The following PALLD variants were observed in gnomAD, a reference collection of about 807,000 sequenced individuals.
PALLD encodes palladin, cytoskeletal associated protein.
A neutral mutation model predicts 123.5 loss-of-function variants in PALLD; 61 were observed. That is an observed-to-expected ratio of 0.49 (90% CI 0.40 to 0.61). The LOEUF is 0.61. Among genes scored for constraint, PALLD ranks in the 20% least tolerant of loss-of-function variants. PALLD has a pLI of 0.00. For synonymous variants in PALLD, 465 were observed against 496.4 expected (o/e 0.94, Z 0.84); for missense variants, 1,273 against 1,377.0 (o/e 0.92, Z 1.20).
At chr4:168,887,741 A>G (rs1421906980) in intron 10 of PALLD, among the ~76,000 whole-genome samples, 2 of 152,186 alleles carry the variant, frequency 1.3e-5, no homozygotes, top group South Asian at 2.1e-4. Context: ...CCAAAATTGT[A>G]TAATTTTTAC....
chr4:168,802,689 A>G (rs1046822030), intron 10 of PALLD, among the ~76,000 whole-genome samples: 4 of 151,322 alleles, frequency 2.6e-5, no homozygotes, highest in East Asian at 1.9e-4. Flanking sequence ...GACCATCTAC[A>G]TTACATTTTT....
intron 10 of PALLD, chr4:168,877,716 C>G: frequency 8.8e-7 from 1 of 1,130,320 alleles, no homozygotes; most frequent in Non-Finnish European, 1.1e-6. Context: ...TCTCTTTTTC[C>G]CCCCAGGGAC....
chr4:168,716,546 C>T (rs1785386242), intron 10 of PALLD, among the ~76,000 whole-genome samples: 1 of 152,150 alleles, frequency 6.6e-6, no homozygotes, highest in African/African-American at 2.4e-5. Flanking sequence ...AAAATTACTG[C>T]ATTTTACAAC....
chr4:168,835,575 T>C (rs112531541), intron 10 of PALLD, among the ~76,000 whole-genome samples: 4 of 151,984 alleles, frequency 2.6e-5, no homozygotes, highest in Admixed American at 6.6e-5. Context: ...CTAGATCTCT[T>C]TGAGATTGCA....
intron 10 of PALLD, among the ~76,000 whole-genome samples, chr4:168,858,797 T>TA (rs35301228): frequency 0.57 from 84,851 of 148,896 alleles, 27,472 homozygotes; most frequent in East Asian, 0.88. Flanking sequence ...AAATAAAAAT[T>TA]AAAAAAAAAA....
rs570209780 is a variant in PALLD at position 168,817,277 on chromosome 4, C to T, written c.1965-73645C>T. Among the ~76,000 whole-genome samples, 8 of 152,268 alleles carry T rather than the reference C, an allele frequency of 5.3e-5. No homozygotes were observed. In the East Asian group the frequency reaches 9.7e-4, roughly 18 times the overall value. On this transcript the variant is annotated intron_variant, in intron 10 of 21. Coordinates refer to ENST00000505667, the MANE Select transcript of PALLD (RefSeq NM_001166108.2). The stretch of plus-strand genomic sequence containing the variant: ...AGAAAAACGCAAGTTGTGCATTAGA[C>T]GCACCATCACATTCCCTTTATGTGT...
At chr4:168,543,136 C>T (rs1261834712) in intron 2 of PALLD, among the ~76,000 whole-genome samples, 1 of 152,080 alleles carries the variant, frequency 6.6e-6, no homozygotes, top group Non-Finnish European at 1.5e-5. Flanking sequence ...GCTAGGACCA[C>T]TTCCTAGCTC....
In PALLD at chr4:168,869,809, G is replaced by A. The variant is rs1314095245; in HGVS notation, c.1965-21113G>A. On this transcript the variant is annotated intron_variant, in intron 10 of 21. Transcript: ENST00000505667. This position sits in a 1 kb window ranked among gnomAD's most constrained non-coding sequence, Gnocchi z 4.5. ...GAATTCAGGACTGAGGGCTGGGTTA[G>A]AGAGATCAGGGAGTGAGAGTGATGC... Among the ~76,000 whole-genome samples, 1 of 150,942 alleles carries A rather than the reference G, an allele frequency of 6.6e-6. No individual in the cohort carries two copies. The highest frequency in any genetic ancestry group is 1.5e-5 in the Non-Finnish European group (1 of 68,002).
At chr4:168,807,680 A>G (rs1740432747) in intron 10 of PALLD, among the ~76,000 whole-genome samples, 1 of 151,944 alleles carries the variant, frequency 6.6e-6, no homozygotes, top group Admixed American at 6.6e-5. Context: ...AAGTGCTGTG[A>G]TTACAGGCGT....
chr4:168,631,664 C>T (rs1410232783), intron 2 of PALLD: 1 of 985,368 alleles, frequency 1.0e-6, no homozygotes, highest in Non-Finnish European at 1.2e-6. Flanking sequence ...TGAGTCGTGG[C>T]CGCTGCGCCG....
intron 6 of PALLD, among the ~76,000 whole-genome samples, chr4:168,687,351 A>C (rs1262414734): frequency 6.6e-6 from 1 of 152,248 alleles, no homozygotes; most frequent in Non-Finnish European, 1.5e-5. Context: ...AAACCATGTC[A>C]ATCTGATAAC....
intron 10 of PALLD, among the ~76,000 whole-genome samples, chr4:168,746,780 T>A (rs1730391104): frequency 6.6e-6 from 1 of 152,150 alleles, no homozygotes; most frequent in Non-Finnish European, 1.5e-5. Flanking sequence ...TGGAAATATT[T>A]AAAGTTGTAA....
chr4:168,540,081 A>G (rs1024230860), intron 2 of PALLD, among the ~76,000 whole-genome samples: 2 of 152,158 alleles, frequency 1.3e-5, no homozygotes, highest in African/African-American at 4.8e-5. Flanking sequence ...AGGCACCTGA[A>G]GCTGAAAAAG....
At chr4:168,877,672 C>T (rs1480733864) in intron 10 of PALLD, 10 of 957,240 alleles carry the variant, frequency 1.0e-5, no homozygotes, top group Non-Finnish European at 1.2e-5. Flanking sequence ...CTGGAATACA[C>T]GTTCCTGGCC....
intron 1 of PALLD, among the ~76,000 whole-genome samples, chr4:168,499,308 A>ATGGG (rs1761128589): frequency 2.3e-5 from 1 of 43,944 alleles, no homozygotes; most frequent in Admixed American, 2.8e-4. Context: ...GGGAGGGAGG[A>ATGGG]AGGGAGGGAG....
At chr4:168,792,406 T>C (rs1039191208) in intron 10 of PALLD, among the ~76,000 whole-genome samples, 1 of 152,098 alleles carries the variant, frequency 6.6e-6, no homozygotes, top group African/African-American at 2.4e-5. Flanking sequence ...TATTGCCAAG[T>C]AAAAGAAGTT....
chr4:168,584,002 A>T (rs1284586952), intron 2 of PALLD, among the ~76,000 whole-genome samples: 1 of 152,166 alleles, frequency 6.6e-6, no homozygotes, highest in Non-Finnish European at 1.5e-5. Context: ...TGAAATAAGG[A>T]GCATGAAACT....
At chr4:168,615,643 G>A (rs990960442) in intron 2 of PALLD, among the ~76,000 whole-genome samples, 21 of 152,138 alleles carry the variant, frequency 1.4e-4, no homozygotes, top group African/African-American at 3.9e-4. Context: ...GGGATCCTCA[G>A]CACCCATCTC....
chr4:168,796,587 T>C (rs1738543885), intron 10 of PALLD, among the ~76,000 whole-genome samples: 1 of 152,196 alleles, frequency 6.6e-6, no homozygotes, highest in Non-Finnish European at 1.5e-5. Flanking sequence ...TTAATAAATA[T>C]TTGTGGAATG....
Sources: gnomAD v4.1 joint callset for allele counts (sites outside exome capture counted in the v4.1 genomes callset) on GRCh38, gnomAD v4.1.1 for gene constraint, Gnocchi (gnomAD v3.1) non-coding constraint, MANE v1.5 for transcripts, NCBI Gene and HGNC (gene_info 2026-07-23, HGNC 2026-07-21) for gene names.